BLOC1S5: variants seen among roughly 807,000 people sequenced by gnomAD.
BLOC1S5 encodes biogenesis of lysosomal organelles complex 1 subunit 5.
In BLOC1S5, 27 loss-of-function variants were observed where a neutral mutation model predicts 24.3. The observed-to-expected ratio is 1.11, with a 90% CI of 0.82 to 1.53. The LOEUF (loss-of-function observed/expected upper bound fraction) is 1.53, where lower values mean the gene tolerates loss of function less well. Ranked by LOEUF, BLOC1S5 falls within the 40% of genes most tolerant of loss-of-function variation. The probability of loss-of-function intolerance (pLI) is 0.00; values close to 1 mark genes in which losing one functional copy is unlikely to be tolerated. For missense variants in BLOC1S5, 239 were observed against 229.4 expected (o/e 1.04, Z -0.27); for synonymous variants, 84 against 74.5 (o/e 1.13, Z -0.66).
At chr6:8,048,233 G>GTAGC (rs531238696) in intron 2 of BLOC1S5, among the ~76,000 whole-genome samples, 208 of 152,300 alleles carry the variant, frequency 1.4e-3, no homozygotes, top group Non-Finnish European at 2.4e-3. Flanking sequence ...GTATTTTGTA[G>GTAGC]TAGCTCATTT....
At chr6:8,032,662 A>T (rs936978172) in intron 3 of BLOC1S5, among the ~76,000 whole-genome samples, 1 of 152,210 alleles carries the variant, frequency 6.6e-6, no homozygotes, top group African/African-American at 2.4e-5. Context: ...AAGGGTATTC[A>T]ATTAGGAAAA....
intron 3 of BLOC1S5, among the ~76,000 whole-genome samples, chr6:8,034,788 G>A (rs1433818386): frequency 6.6e-6 from 1 of 152,066 alleles, no homozygotes; most frequent in Non-Finnish European, 1.5e-5. Context: ...TCCCACTACT[G>A]GGTATCTACC....
chr6:8,021,982 T>C (rs868074893), intron 4 of BLOC1S5, among the ~76,000 whole-genome samples: 12 of 152,110 alleles, frequency 7.9e-5, no homozygotes, highest in Admixed American at 5.2e-4. Flanking sequence ...CCGGCACGCA[T>C]GCAGGCACAC....
At chr6:8,040,599 C>T (rs1225990197) in intron 3 of BLOC1S5, among the ~76,000 whole-genome samples, 3 of 152,200 alleles carry the variant, frequency 2.0e-5, no homozygotes, top group African/African-American at 7.2e-5. Context: ...GTGGCTCACG[C>T]CTGTAATCCC....
At chr6:8,035,708 G>GTAC (rs1171524191) in intron 3 of BLOC1S5, among the ~76,000 whole-genome samples, 1 of 152,130 alleles carries the variant, frequency 6.6e-6, no homozygotes, top group Non-Finnish European at 1.5e-5. Flanking sequence ...AAATATCTAT[G>GTAC]TACTTAACAC....
chr6:8,045,770 A>G (rs1236259486), intron 2 of BLOC1S5, among the ~76,000 whole-genome samples: 2 of 152,106 alleles, frequency 1.3e-5, no homozygotes, highest in East Asian at 1.9e-4. Context: ...GTTTTGGCAC[A>G]TTTCTCTCAT....
At chr6:8,063,549 G>A (rs1217777114) in intron 1 of BLOC1S5, among the ~76,000 whole-genome samples, 2 of 152,078 alleles carry the variant, frequency 1.3e-5, no homozygotes, top group South Asian at 2.1e-4. Context: ...CTATTTTAAT[G>A]AATTTTATTA....
At chr6:8,049,045 G>C (rs1764011961) in intron 2 of BLOC1S5, among the ~76,000 whole-genome samples, 1 of 129,422 alleles carries the variant, frequency 7.7e-6, no homozygotes, top group African/African-American at 2.9e-5. Flanking sequence ...AGAAGAGGAG[G>C]GGAGGGGAGA....
At chr6:8,028,648 C>T (rs1369298346) in intron 3 of BLOC1S5, among the ~76,000 whole-genome samples, 1 of 152,142 alleles carries the variant, frequency 6.6e-6, no homozygotes, top group Admixed American at 6.5e-5. Flanking sequence ...CAAAGGTGCA[C>T]TTTTGTTCCT....
intron 3 of BLOC1S5, among the ~76,000 whole-genome samples, chr6:8,034,790 G>A (rs1763429803): frequency 6.6e-6 from 1 of 152,048 alleles, no homozygotes; most frequent in Admixed American, 6.5e-5. Context: ...CCACTACTGG[G>A]TATCTACCCA....
In BLOC1S5 at chr6:8,015,678, TCTC is replaced by T. The variant is rs1349436100; in HGVS notation, c.532_534del (p.Glu178del). The T allele has an allele frequency of 2.5e-6, 4 of 1,613,132 alleles. No individual in the cohort carries two copies. Among genetic ancestry groups the T allele is most frequent in the Non-Finnish European group, 3.4e-6 (4 of 1,179,830 alleles). ...AAGGTTGAAAATTTCGCTAGGTCCT[TCTC>T]CATCTCAGCATATTGTTCTTTAAGC... On this transcript the variant is annotated inframe_deletion, in exon 5 of 5. Coordinates refer to ENST00000397457, the MANE Select transcript of BLOC1S5 (RefSeq NM_201280.3).
intron 2 of BLOC1S5, among the ~76,000 whole-genome samples, chr6:8,045,367 A>G (rs150399958): frequency 0.032 from 4,846 of 152,318 alleles, 241 homozygotes; most frequent in African/African-American, 0.11. Context: ...TTGCTGCAGG[A>G]GTGGGGCCCT....
chr6:8,017,164 T>C lies in BLOC1S5; in HGVS notation c.385-1336A>G, dbSNP rs147189660. On this transcript the variant is annotated intron_variant, in intron 4 of 4. Coordinates refer to ENST00000397457, the MANE Select transcript of BLOC1S5 (RefSeq NM_201280.3). ...AAAATCTAAATAGAGTATGAAAAAA[T>C]AACTTTATATCCCTATTTCAACTAT... is the stretch of plus-strand genomic sequence containing the variant. Among the ~76,000 whole-genome samples, 1,080 of 152,246 alleles carry C rather than the reference T, an allele frequency of 7.1e-3. 15 individuals are homozygous for C. The highest frequency in any genetic ancestry group is 0.024 in the African/African-American group (1,000 of 41,516).
intron 3 of BLOC1S5, among the ~76,000 whole-genome samples, chr6:8,029,509 G>A (rs1236692537): frequency 2.0e-5 from 3 of 152,152 alleles, no homozygotes; most frequent in Admixed American, 2.0e-4. Flanking sequence ...TGTGATACCC[G>A]AGGGCAGACA....
chr6:8,054,627 C>T, intron 2 of BLOC1S5, among the ~76,000 whole-genome samples: 1 of 152,266 alleles, frequency 6.6e-6, no homozygotes, highest in Admixed American at 6.5e-5. Context: ...CTGTTAACAA[C>T]TGCGTTTTCT....
At position 8,015,653 on chromosome 6, in the gene BLOC1S5, A is replaced by G; in HGVS notation, c.560T>C (p.Phe187Ser). The G allele has an allele frequency of 6.2e-7, 1 of 1,610,096 alleles. No homozygotes were observed. Among genetic ancestry groups the G allele is most frequent in the Non-Finnish European group, 8.5e-7 (1 of 1,178,622 alleles). The change falls in exon 5 of 5, where the codon TTT (phenylalanine) becomes TCT (serine). Residue 187 changes from phenylalanine (F) to serine (S), a missense_variant. Transcript: ENST00000397457. Reference protein sequence around the residue: ...MEKDLAKFSTF With the variant: ...MEKDLAKFSTS ...TGATTGTTGTGGTTCAAGTTCTTAA[A>G]AGGTTGAAAATTTCGCTAGGTCCTT...
intron 3 of BLOC1S5, among the ~76,000 whole-genome samples, chr6:8,036,844 T>C (rs1763506301): frequency 6.6e-6 from 1 of 152,212 alleles, no homozygotes; most frequent in Admixed American, 6.5e-5. Flanking sequence ...GCAGGATTTA[T>C]CCCAGGAATG....
chr6:8,032,707 T>C (rs964622827), intron 3 of BLOC1S5, among the ~76,000 whole-genome samples: 34 of 152,204 alleles, frequency 2.2e-4, no homozygotes, highest in African/African-American at 7.5e-4. Context: ...GCAGATGACA[T>C]GATTGTATAT....
At position 8,060,990 on chromosome 6, in the gene BLOC1S5, A is replaced by C. The variant is rs907669897; in HGVS notation, c.195+1544T>G. Among the ~76,000 whole-genome samples the C allele has an allele frequency of 2.6e-5, 4 of 152,158 alleles. No individual in the cohort carries two copies. The East Asian group carries it at 5.8e-4, about 22-fold the overall frequency. ...CAGGCACATGCCACCATGCCCGGCTAATTTTTGTATTTTTTTAAGTAGAGA... is the reference window on the plus strand; with the variant it reads ...CAGGCACATGCCACCATGCCCGGCTCATTTTTGTATTTTTTTAAGTAGAGA... On this transcript the variant is annotated intron_variant, in intron 2 of 4. Coordinates refer to ENST00000397457, the MANE Select transcript of BLOC1S5 (RefSeq NM_201280.3).
Sources: allele counts gnomAD v4.1 joint callset (sites outside exome capture counted in the v4.1 genomes callset), GRCh38; gene constraint gnomAD v4.1.1; transcripts MANE v1.5; gene names NCBI Gene and HGNC (gene_info 2026-07-23, HGNC 2026-07-21).